The following STAT4 variants were observed in gnomAD, a reference collection of about 807,000 sequenced individuals.
The protein encoded by STAT4 is signal transducer and activator of transcription 4.
A neutral mutation model predicts 110.5 loss-of-function variants in STAT4; 42 were observed. That is an observed-to-expected ratio of 0.38 (90% CI 0.30 to 0.49). The LOEUF is 0.49. Ranked by LOEUF, STAT4 falls within the 20% of genes least tolerant of loss-of-function variation. STAT4 has a pLI of 0.95. For missense variants in STAT4, 632 were observed against 887.9 expected, an observed-to-expected ratio of 0.71 and a Z score of 3.66; for synonymous variants, 284 against 302.2, an observed-to-expected ratio of 0.94 and a Z score of 0.63.
At chr2:191,069,877 C>G in intron 5 of STAT4, 106 bp from the exon 6 acceptor site, 1 of 810,416 alleles carries the variant, frequency 1.2e-6, no homozygotes, top group Non-Finnish European at 2.0e-6. Flanking sequence ...CAATCTCCAA[C>G]AGCAACCAAA....
chr2:191,079,692 A>T (rs1367805333), intron 3 of STAT4, among the ~76,000 whole-genome samples: 2 of 152,048 alleles, frequency 1.3e-5, no homozygotes, highest in Non-Finnish European at 2.9e-5. Context: ...CTTTGTCCTA[A>T]GGTGACTTAT....
Position 191,062,681 on chromosome 2 carries a change from C to T in STAT4, c.941+81G>A. ...CGTTGTTGAATACTTCCCTGCCACT[C>T]TTCCACCTAAACACCAAAACCTTAG... On this transcript the variant is annotated intron_variant, in intron 9 of 23. Transcript: ENST00000392320. This position sits in a 1 kb window ranked among gnomAD's most constrained non-coding sequence, Gnocchi z 4.9. The T allele has an allele frequency of 6.6e-7, 1 of 1,514,642 alleles. No homozygotes were observed. Among genetic ancestry groups the T allele is most frequent in the Non-Finnish European group, 9.1e-7 (1 of 1,104,024 alleles). The allele number at this position is 1,514,642 out of a possible 1,614,324, so 93.8% of individuals were successfully genotyped here. A position where few individuals can be genotyped will look rare whatever the true frequency, so the allele number is the denominator to read the frequency against.
At position 191,099,944 on chromosome 2, in the gene STAT4, AT is replaced by A. The variant is rs1207186069; in HGVS notation, c.274-23620del. ...TCTTATTTCAGTGGAATTTCAGGGG[AT>A]TTTTTTTCTTTCTTCTTAGACTTTT... On this transcript the variant is annotated intron_variant, in intron 3 of 23. Transcript: ENST00000392320. The surrounding 1 kb of genome is among the most constrained non-coding windows in gnomAD (Gnocchi z 4.1). Among the ~76,000 whole-genome samples, 2 of 151,874 alleles carry A rather than the reference AT, an allele frequency of 1.3e-5. No homozygotes were observed. The highest frequency in any genetic ancestry group is 6.6e-5 in the Admixed American group (1 of 15,220).
rs115365706 is a variant in STAT4 at position 191,052,997 on chromosome 2, G to A, written c.1251+1493C>T. 5.6e-3 allele frequency among the ~76,000 whole-genome samples: 860 copies of A among 152,266 alleles called. 9 individuals carry two copies. The highest frequency in any genetic ancestry group is 0.02 in the African/African-American group (818 of 41,534). On this transcript the variant is annotated intron_variant, in intron 14 of 23. Transcript: ENST00000392320. ...GAAGACTGAGCTCATCTTTGGTGAG[G>A]CTATGATGTTTGGCAAATGATCTTT... is the stretch of plus-strand genomic sequence containing the variant.
At position 191,143,806 on chromosome 2, in the gene STAT4, T is replaced by G. The variant is rs1427756040; in HGVS notation, c.273+2807A>C. ...TTTGATAGGGAATTTTTTTTTTCTT[T>G]TTTGTGGGGAAGAGAGGATCTTATT... On this transcript the variant is annotated intron_variant, in intron 3 of 23. Transcript: ENST00000392320. This position sits in a 1 kb window ranked among gnomAD's most constrained non-coding sequence, Gnocchi z 5.6. Among the ~76,000 whole-genome samples the G allele has an allele frequency of 1.3e-5, 2 of 152,142 alleles. No individual in the cohort carries two copies. Among genetic ancestry groups the G allele is most frequent in the African/African-American group, 2.4e-5 (1 of 41,418 alleles).
Position 191,029,917 on chromosome 2 carries a change from C to G in STAT4, c.2221-51G>C. The G allele has an allele frequency of 7.1e-7, 1 of 1,407,394 alleles. No homozygotes were observed. The highest frequency in any genetic ancestry group is 9.9e-7 in the Non-Finnish European group (1 of 1,014,576). 87.2% of individuals were successfully genotyped at this position (1,407,394 alleles called of 1,614,324 possible). The stretch of plus-strand genomic sequence containing the variant: ...TTGAGGAAACTACTGGTTTTCAAAT[C>G]AATCACTATTTCTTGGGCAAATAAA... On this transcript the variant is annotated intron_variant, in intron 23 of 23. Transcript: ENST00000392320. The surrounding 1 kb of genome is among the most constrained non-coding windows in gnomAD (Gnocchi z 4.5).
Position 191,030,664 on chromosome 2 carries a change from G to T in STAT4, c.2220+308C>A. The T allele has an allele frequency of 3.9e-6, 1 of 254,804 alleles. No homozygotes were observed. Among genetic ancestry groups the T allele is most frequent in the Non-Finnish European group, 7.7e-6 (1 of 129,156 alleles). 15.8% of individuals were successfully genotyped at this position (254,804 alleles called of 1,614,324 possible). A position where few individuals can be genotyped will look rare whatever the true frequency, so the allele number is the denominator to read the frequency against. On this transcript the variant is annotated intron_variant, in intron 23 of 23. Coordinates refer to ENST00000392320, the MANE Select transcript of STAT4 (RefSeq NM_003151.4). The surrounding 1 kb of genome is among the most constrained non-coding windows in gnomAD (Gnocchi z 4.4). ...TTGCTAAAGTAGAGAGTGGTGGGGA[G>T]TGAGGGGGCCCATGGTGCAAGCAGC...
intron 3 of STAT4, among the ~76,000 whole-genome samples, chr2:191,134,975 A>G (rs1281114361): frequency 3.3e-5 from 5 of 152,128 alleles, no homozygotes; most frequent in Non-Finnish European, 7.4e-5. Context: ...AAAAAAGTCA[A>G]ATAAACAATC....
chr2:191,054,222 T>G (rs1255009435), intron 14 of STAT4, among the ~76,000 whole-genome samples: 1 of 132,418 alleles, frequency 7.6e-6, no homozygotes, highest in African/African-American at 3.0e-5. Flanking sequence ...TAAAGTAATA[T>G]ATAGATAAAT....
intron 3 of STAT4, among the ~76,000 whole-genome samples, chr2:191,133,708 A>G (rs1699103779): frequency 6.6e-6 from 1 of 151,760 alleles, no homozygotes; most frequent in African/African-American, 2.4e-5. Flanking sequence ...GGAGAAAGAC[A>G]AAAAGGAAGG....
At chr2:191,115,129 T>A (rs1698539536) in intron 3 of STAT4, among the ~76,000 whole-genome samples, 1 of 152,204 alleles carries the variant, frequency 6.6e-6, no homozygotes, top group African/African-American at 2.4e-5. Flanking sequence ...GTCTGCTATA[T>A]GCCACACACT....
At position 191,066,960 on chromosome 2, in the gene STAT4, C is replaced by A. The variant is rs903151113; in HGVS notation, c.545-445G>T. Among the ~76,000 whole-genome samples the A allele has an allele frequency of 6.6e-6, 1 of 152,006 alleles. No homozygotes were observed. The highest frequency in any genetic ancestry group is 1.5e-5 in the Non-Finnish European group (1 of 67,998). On this transcript the variant is annotated intron_variant, in intron 6 of 23. Transcript: ENST00000392320. This position sits in a 1 kb window ranked among gnomAD's most constrained non-coding sequence, Gnocchi z 4.3. ...ACCCCTCCCTGCTCTGCTTCATATG[C>A]AGGTTTTATGAGAAACTGCCTGATA...
Position 191,060,611 on chromosome 2 carries a change from G to T in STAT4, c.1034+1118C>A, listed in dbSNP as rs1559048904. Among the ~76,000 whole-genome samples, 2 of 152,124 alleles carry T rather than the reference G, an allele frequency of 1.3e-5. No individual in the cohort carries two copies. Among genetic ancestry groups the T allele is most frequent in the Admixed American group, 6.5e-5 (1 of 15,276 alleles). On this transcript the variant is annotated intron_variant, in intron 10 of 23. Coordinates refer to ENST00000392320, the MANE Select transcript of STAT4 (RefSeq NM_003151.4). This position sits in a 1 kb window ranked among gnomAD's most constrained non-coding sequence, Gnocchi z 4.5. ...TTTTTCTATTTTTAGTAGAGATGGGGTATTGCCATGTTGTCCAGGCTGGTC... is the reference window on the plus strand; with the variant it reads ...TTTTTCTATTTTTAGTAGAGATGGGTTATTGCCATGTTGTCCAGGCTGGTC...
chr2:191,102,468 C>T (rs1298471376), intron 3 of STAT4, among the ~76,000 whole-genome samples: 2 of 152,102 alleles, frequency 1.3e-5, no homozygotes, highest in African/African-American at 4.8e-5. Context: ...TGGTTCACAA[C>T]CTTGTTTTTA....
Position 191,090,714 on chromosome 2 carries a change from C to T in STAT4, c.274-14389G>A, listed in dbSNP as rs1283699430. Among the ~76,000 whole-genome samples, 3 of 152,094 alleles carry T rather than the reference C, an allele frequency of 2.0e-5. No individual in the cohort carries two copies. The highest frequency in any genetic ancestry group is 7.2e-5 in the African/African-American group (3 of 41,388). On this transcript the variant is annotated intron_variant, in intron 3 of 23. Transcript: ENST00000392320. The surrounding 1 kb of genome is among the most constrained non-coding windows in gnomAD (Gnocchi z 4.2). ...CAGCTGGGACTAGAGGCACCCGCCA[C>T]CATGCCCGGCTAATTTTTTGTATTT...
At chr2:191,047,757 C>T (rs1696390394) in intron 14 of STAT4, among the ~76,000 whole-genome samples, 1 of 152,188 alleles carries the variant, frequency 6.6e-6, no homozygotes, top group African/African-American at 2.4e-5. Flanking sequence ...CCTCCACCTC[C>T]CGGGTTCAAG....
At position 191,092,690 on chromosome 2, in the gene STAT4, C is replaced by A. The variant is rs2125312129; in HGVS notation, c.274-16365G>T. 2.6e-5 allele frequency among the ~76,000 whole-genome samples: 4 copies of A among 152,222 alleles called. No individual in the cohort carries two copies. In the South Asian group the frequency reaches 8.3e-4, roughly 32 times the overall value. ...AGGTACCTGGTTCATCTCATTGGGA[C>A]TGGTTGGACAGTGGGTTCAGCCCAC... On this transcript the variant is annotated intron_variant, in intron 3 of 23. Transcript: ENST00000392320.
chr2:191,116,011 A>T lies in STAT4; in HGVS notation c.273+30602T>A, dbSNP rs1355648803. Among the ~76,000 whole-genome samples, 2 of 152,208 alleles carry T rather than the reference A, an allele frequency of 1.3e-5. No homozygotes were observed. The highest frequency in any genetic ancestry group is 1.5e-5 in the Non-Finnish European group (1 of 68,032). On this transcript the variant is annotated intron_variant, in intron 3 of 23. Coordinates refer to ENST00000392320, the MANE Select transcript of STAT4 (RefSeq NM_003151.4). The surrounding 1 kb of genome is among the most constrained non-coding windows in gnomAD (Gnocchi z 4.1). ...TTCCTGCAGGAGTAAGGTATTAGTCATATGGTACGTTTGGTTGAAATGAAC... is the reference window on the plus strand; with the variant it reads ...TTCCTGCAGGAGTAAGGTATTAGTCTTATGGTACGTTTGGTTGAAATGAAC...
chr2:191,131,148 A>G (rs1699026719), intron 3 of STAT4, among the ~76,000 whole-genome samples: 1 of 151,758 alleles, frequency 6.6e-6, no homozygotes, highest in African/African-American at 2.4e-5. Flanking sequence ...TTAAAAAACA[A>G]TTTGGCATTA....
Sources: allele counts gnomAD v4.1 joint callset (sites outside exome capture counted in the v4.1 genomes callset), GRCh38; gene constraint gnomAD v4.1.1; non-coding constraint Gnocchi (gnomAD v3.1); transcripts MANE v1.5; gene names NCBI Gene and HGNC (gene_info 2026-07-23, HGNC 2026-07-21).